Variants in ZFAT observed in about 807,000 individuals in gnomAD.
ZFAT encodes zinc finger protein ZFAT.
In ZFAT, 64 loss-of-function variants were observed where a neutral mutation model predicts 117.7. That is an observed-to-expected ratio of 0.54 (90% confidence interval 0.44 to 0.67). ZFAT has a LOEUF of 0.67. Among genes scored for constraint, ZFAT ranks in the 30% least tolerant of loss-of-function variants. The pLI is 0.00. For missense variants in ZFAT, 1,433 were observed against 1,584.5 expected, an observed-to-expected ratio of 0.90 and a Z score of 1.62; for synonymous variants, 679 against 615.0, an observed-to-expected ratio of 1.10 and a Z score of -1.54.
At position 134,602,629 on chromosome 8, in the gene ZFAT, A is replaced by G; in HGVS notation, c.1090T>C (p.Ser364Pro). The change falls in exon 6 of 16, where the codon TCT becomes CCT. Residue 364 changes from serine (S) to proline (P), a missense_variant. Physicochemically the swap from Ser to Pro is moderately conservative, Grantham distance 74 (BLOSUM62 -1). This residue lies in a region of ZFAT where 436 missense variants were observed against 482.0 expected (regional missense o/e 0.90). Transcript: ENST00000377838. ...TGCTTGATGAGGTTCTTGACGTCAGAGTACTTCTTCTTGCAGAAGCGGCAG... is the reference window on the plus strand; with the variant it reads ...TGCTTGATGAGGTTCTTGACGTCAGGGTACTTCTTCTTGCAGAAGCGGCAG... ...QHCRFCKKKY[S>P]DVKNLIKHIR... 6.2e-7 allele frequency: 1 copy of G among 1,614,160 alleles called. No homozygotes were observed. The highest frequency in any genetic ancestry group is 8.5e-7 in the Non-Finnish European group (1 of 1,180,028).
intron 13 of ZFAT, among the ~76,000 whole-genome samples, chr8:134,518,868 C>T (rs1820431971): frequency 6.6e-6 from 1 of 151,994 alleles, no homozygotes; most frequent in Non-Finnish European, 1.5e-5. Context: ...TTTCAGATAG[C>T]TATTTAGCTA....
the ZFAT span, among the ~76,000 whole-genome samples, chr8:134,759,399 T>G: frequency 2.6e-5 from 4 of 152,202 alleles, no homozygotes. Flanking sequence ...AAATCCCAGG[T>G]TACCTCTTCT....
chr8:134,758,934 G>C, the ZFAT span, among the ~76,000 whole-genome samples: 27 of 152,254 alleles, frequency 1.8e-4, no homozygotes, highest in Middle Eastern at 3.4e-3. Flanking sequence ...TTGGGGCAAT[G>C]ATGTGCCATG....
intron 11 of ZFAT, among the ~76,000 whole-genome samples, chr8:134,557,924 A>AAATATTTG (rs1258412598): frequency 6.6e-6 from 1 of 152,226 alleles, no homozygotes; most frequent in African/African-American, 2.4e-5. Context: ...TTTTAAGTAA[A>AAATATTTG]AATATTTGAA....
At position 134,525,854 on chromosome 8, in the gene ZFAT, G is replaced by A. The variant is rs1209498778; in HGVS notation, c.3116-4853C>T. Among the ~76,000 whole-genome samples, 5 of 152,266 alleles carry A rather than the reference G, an allele frequency of 3.3e-5. No individual in the cohort carries two copies. The East Asian group carries it at 9.6e-4, about 29-fold the overall frequency. Reference sequence around the variant, plus strand: ...ATTCTGCTGAAAAGACAGCTCAGATGGATGTTTATTTTCTGAAAGTCAAAC... The same window carrying A: ...ATTCTGCTGAAAAGACAGCTCAGATAGATGTTTATTTTCTGAAAGTCAAAC... On this transcript the variant is annotated intron_variant, in intron 12 of 15. Coordinates refer to ENST00000377838, the MANE Select transcript of ZFAT (RefSeq NM_020863.4).
intron 11 of ZFAT, among the ~76,000 whole-genome samples, chr8:134,555,332 T>A (rs7843164): frequency 0.78 from 118,504 of 152,210 alleles, 46,411 homozygotes; most frequent in East Asian, 0.91. Flanking sequence ...CTCCCAGAAA[T>A]AAAGGCAGGT....
rs576925180 is a variant in ZFAT, at chr8:134,665,999, T to G, written c.20-8262A>C. Among the ~76,000 whole-genome samples, 26 of 152,260 alleles carry G rather than the reference T, an allele frequency of 1.7e-4. No individual in the cohort carries two copies. In the East Asian group the frequency reaches 4.6e-3, roughly 27 times the overall value. On this transcript the variant is annotated intron_variant, in intron 1 of 15. Transcript: ENST00000377838. ...ACAGGTGACAGAGCACCCCTTCCCA[T>G]TCCCAGCTGGGCTAGTGTCAGAGAA...
At chr8:134,762,477 T>C in the ZFAT span, among the ~76,000 whole-genome samples, 7 of 152,346 alleles carry the variant, frequency 4.6e-5, no homozygotes, top group Non-Finnish European at 1.0e-4. Context: ...TTCATCCTTT[T>C]TGGTAGCCTT....
chr8:134,717,475 T>TTTTTTTTTTTTTC (rs1814224863), upstream of ZFAT, among the ~76,000 whole-genome samples: 2 of 62,884 alleles, frequency 3.2e-5, no homozygotes, highest in Non-Finnish European at 5.8e-5. Flanking sequence ...TCTTTTTTTT[T>TTTTTTTTTTTTTC]TTTTTTTTTT....
intron 10 of ZFAT, among the ~76,000 whole-genome samples, chr8:134,570,975 A>G (rs977960549): frequency 2.6e-5 from 4 of 152,198 alleles, no homozygotes; most frequent in Non-Finnish European, 5.9e-5. Context: ...ATCAGAATGA[A>G]GTAAGGAAGC....
At chr8:134,569,683 A>T (rs2130790967) in intron 10 of ZFAT, among the ~76,000 whole-genome samples, 1 of 152,232 alleles carries the variant, frequency 6.6e-6, no homozygotes, top group South Asian at 2.1e-4. Context: ...GCCTGCAAGC[A>T]TCTGAAAAGC....
At chr8:134,599,972 C>T (rs1827281002) in intron 7 of ZFAT, 1 of 373,708 alleles carries the variant, frequency 2.7e-6, no homozygotes, top group Non-Finnish European at 5.2e-6. Flanking sequence ...AAATAAATAA[C>T]ACAAAACTGT....
intron 7 of ZFAT, among the ~76,000 whole-genome samples, chr8:134,590,815 TCAA>T (rs1342174230): frequency 2.7e-5 from 4 of 147,158 alleles, no homozygotes; most frequent in African/African-American, 7.5e-5. Flanking sequence ...ACCACCACCA[TCAA>T]CATCACCACG....
intron 15 of ZFAT, among the ~76,000 whole-genome samples, chr8:134,504,190 G>A (rs1043048885): frequency 1.3e-5 from 2 of 152,038 alleles, no homozygotes; most frequent in African/African-American, 2.4e-5. Flanking sequence ...TACAATGAAC[G>A]AATGACCCAC....
intron 7 of ZFAT, chr8:134,598,911 G>C (rs12549256): frequency 6.6e-6 from 1 of 152,130 alleles, no homozygotes; most frequent in African/African-American, 2.4e-5. Flanking sequence ...GGCTAAACAC[G>C]TGGTAAATAG....
At chr8:134,526,417 T>TAA (rs1248633392) in intron 12 of ZFAT, among the ~76,000 whole-genome samples, 1 of 152,156 alleles carries the variant, frequency 6.6e-6, no homozygotes, top group African/African-American at 2.4e-5. Context: ...CAATGCACAG[T>TAA]AAAGGTCAAC....
At chr8:134,712,237 A>C (rs894606397) in intron 1 of ZFAT, among the ~76,000 whole-genome samples, 10 of 152,208 alleles carry the variant, frequency 6.6e-5, no homozygotes, top group Admixed American at 6.5e-4. Flanking sequence ...TCTGTTCCTC[A>C]TAATAAATGA....
chr8:134,479,938 C>CA (rs1351454651), intron 15 of ZFAT, among the ~76,000 whole-genome samples: 1 of 149,966 alleles, frequency 6.7e-6, no homozygotes, highest in Non-Finnish European at 1.5e-5. Flanking sequence ...TTAATCCCTT[C>CA]ATTCAACCAC....
Position 134,659,967 on chromosome 8 carries a change from C to T in ZFAT, c.20-2230G>A, listed in dbSNP as rs1035233692. On this transcript the variant is annotated intron_variant, in intron 1 of 15. Coordinates refer to ENST00000377838, the MANE Select transcript of ZFAT (RefSeq NM_020863.4). The stretch of plus-strand genomic sequence containing the variant: ...CAAAATTTAACAAAGCAGAACATTG[C>T]TTCGCCAATGAAAATCTCTCACAGA... Among the ~76,000 whole-genome samples, 62 of 152,226 alleles carry T rather than the reference C, an allele frequency of 4.1e-4. 2 individuals are homozygous for T. The highest frequency in any genetic ancestry group is 2.1e-4 in the South Asian group (1 of 4,834).
Sources: gnomAD v4.1 joint callset for allele counts (sites outside exome capture counted in the v4.1 genomes callset) on GRCh38, gnomAD v4.1.1 for gene constraint, gnomAD v4.1.1 regional missense constraint, MANE v1.5 for transcripts, NCBI Gene and HGNC (gene_info 2026-07-23, HGNC 2026-07-21) for gene names.